The following CELF5 variants were observed in gnomAD, a reference collection of about 807,000 sequenced individuals.
CELF5 encodes the protein CUG-BP and ETR-3 like factor 5.
A neutral mutation model predicts 54.9 loss-of-function variants in CELF5; 6 were observed. The observed-to-expected ratio is 0.11, with a 90% CI of 0.06 to 0.22. The LOEUF (loss-of-function observed/expected upper bound fraction) is 0.22, where lower values mean the gene tolerates loss of function less well. Among genes scored for constraint, CELF5 ranks in the 10% least tolerant of loss-of-function variants. The pLI is 1.00. For synonymous variants in CELF5, 271 were observed against 290.9 expected (o/e 0.93, Z 0.70); for missense variants, 401 against 678.6 (o/e 0.59, Z 4.54).
intron 2 of CELF5, among the ~76,000 whole-genome samples, chr19:3,266,788 G>A (rs1390675139): frequency 6.6e-6 from 1 of 152,070 alleles, no homozygotes; most frequent in East Asian, 1.9e-4. Context: ...TGGGAGGCTG[G>A]TGAGGGGCGG....
chr19:3,273,477 A>G (rs1222925584), intron 2 of CELF5, among the ~76,000 whole-genome samples: 1 of 152,072 alleles, frequency 6.6e-6, no homozygotes, highest in Non-Finnish European at 1.5e-5. Context: ...CCCGCAACTT[A>G]ACTTCCACCA....
rs552515486 is a variant in CELF5 at position 3,296,957 on chromosome 19, G to A, written c.*240G>A. 7.9e-6 allele frequency: 1 copy of A among 126,258 alleles called. No individual in the cohort carries two copies. The highest frequency in any genetic ancestry group is 2.7e-4 in the East Asian group (1 of 3,754). 7.8% of individuals were successfully genotyped at this position (126,258 alleles called of 1,614,324 possible). A position where few individuals can be genotyped will look rare whatever the true frequency, so the allele number is the denominator to read the frequency against. ...GAAGAGGTTGGTGTTCCTGTTACGT[G>A]TTTCAGGTGAGAAGCAGCAAAGCGT... On this transcript the variant is annotated 3_prime_UTR_variant, in exon 13 of 13. Transcript: ENST00000292672.
At chr19:3,296,594 C>G (rs536583890) in intron 12 of CELF5, 164 bp from the exon 13 acceptor site, 2 of 152,166 alleles carry the variant, frequency 1.3e-5, no homozygotes, top group Admixed American at 6.6e-5. Flanking sequence ...CGTGTGCAAG[C>G]GTGTGCCATG....
Position 3,238,863 on chromosome 19 carries a change from G to A in CELF5, c.260-12122G>A, listed in dbSNP as rs530923569. 5.3e-5 allele frequency among the ~76,000 whole-genome samples: 8 copies of A among 152,264 alleles called. No individual in the cohort carries two copies. In the East Asian group the frequency reaches 7.7e-4, roughly 15 times the overall value. On this transcript the variant is annotated intron_variant, in intron 1 of 12. Transcript: ENST00000292672. The stretch of plus-strand genomic sequence containing the variant: ...AATTGCTTGAACACAGTAGGTGGAG[G>A]TTGCAGTGAGCCAAGATCACACCAT...
At chr19:3,273,659 G>T (rs1020315924) in intron 2 of CELF5, among the ~76,000 whole-genome samples, 1 of 152,200 alleles carries the variant, frequency 6.6e-6, no homozygotes, top group Non-Finnish European at 1.5e-5. Context: ...AAGGGATATT[G>T]TTGGGTTTTG....
chr19:3,258,341 C>T (rs895626806), intron 2 of CELF5, among the ~76,000 whole-genome samples: 1 of 151,388 alleles, frequency 6.6e-6, no homozygotes, highest in African/African-American at 2.4e-5. Context: ...AGGTTGGTCT[C>T]GAACTCCTGA....
At chr19:3,239,294 C>T (rs1004601119) in intron 1 of CELF5, among the ~76,000 whole-genome samples, 1 of 151,378 alleles carries the variant, frequency 6.6e-6, no homozygotes, top group Non-Finnish European at 1.5e-5. Flanking sequence ...GAGACAAAGT[C>T]TCACTACATT....
At chr19:3,235,378 G>T (rs1363983168) in intron 1 of CELF5, among the ~76,000 whole-genome samples, 1 of 150,516 alleles carries the variant, frequency 6.6e-6, no homozygotes, top group Non-Finnish European at 1.5e-5. Flanking sequence ...AATTTTATTT[G>T]CTTTTTCTCC....
At chr19:3,270,501 C>T (rs1427683513) in intron 2 of CELF5, 3 of 150,250 alleles carry the variant, frequency 2.0e-5, no homozygotes, top group Non-Finnish European at 4.5e-5. Flanking sequence ...CGCCTCCTCC[C>T]GGCTCGGGCG....
chr19:3,230,686 C>T (rs1384514174), intron 1 of CELF5, among the ~76,000 whole-genome samples: 1 of 152,218 alleles, frequency 6.6e-6, no homozygotes, highest in Non-Finnish European at 1.5e-5. Context: ...GGCTTCACAT[C>T]CTGTTAACTC....
intron 2 of CELF5, among the ~76,000 whole-genome samples, chr19:3,272,677 T>C (rs2079986449): frequency 6.6e-6 from 1 of 152,196 alleles, no homozygotes; most frequent in South Asian, 2.1e-4. Flanking sequence ...CGTGGTTCCC[T>C]GTCTGGAGAG....
At chr19:3,283,512 G>A (rs545135159) in intron 8 of CELF5, among the ~76,000 whole-genome samples, 3 of 152,072 alleles carry the variant, frequency 2.0e-5, no homozygotes, top group African/African-American at 7.2e-5. Flanking sequence ...CATCACGCCC[G>A]GCTAATTTTT....
At chr19:3,265,227 A>G (rs957161738) in intron 2 of CELF5, among the ~76,000 whole-genome samples, 1 of 152,068 alleles carries the variant, frequency 6.6e-6, no homozygotes, top group Admixed American at 6.6e-5. Flanking sequence ...CGTCCTAGCT[A>G]TTGAGGAGGC....
rs760675638 is a variant in CELF5, at chr19:3,284,957, G to C, written c.1095G>C (p.Gln365His). ...TLHPAFSGVQ[Q>H]YTAMYPTAAI... ...ATCCTGCCTTCTCCGGAGTCCAGCAGTACACAGGTAGGAGGCAGCCCGCGT... is the reference window on the plus strand; with the variant it reads ...ATCCTGCCTTCTCCGGAGTCCAGCACTACACAGGTAGGAGGCAGCCCGCGT... The change falls in exon 9 of 13, where the codon CAG (glutamine) becomes CAC (histidine). Residue 365 changes from glutamine to histidine, a missense_variant. By Grantham distance (24) the Gln-to-His change is conservative. This residue lies in a region of CELF5 where 143 missense variants were observed against 147.6 expected (regional missense o/e 0.97). Transcript: ENST00000292672. The C allele has an allele frequency of 6.2e-7, 1 of 1,611,484 alleles. No homozygotes were observed.
chr19:3,260,105 T>C (rs2079787198), intron 2 of CELF5, among the ~76,000 whole-genome samples: 1 of 152,286 alleles, frequency 6.6e-6, no homozygotes, highest in East Asian at 1.9e-4. Flanking sequence ...ATGCAGTCTA[T>C]GTATTTCTAT....
At position 3,272,142 on chromosome 19, in the gene CELF5, C is replaced by T. The variant is rs569460342; in HGVS notation, c.343-1730C>T. Among the ~76,000 whole-genome samples the T allele has an allele frequency of 6.5e-4, 99 of 152,144 alleles. 1 individual carries two copies. Among genetic ancestry groups the T allele is most frequent in the South Asian group, 4.6e-3 (22 of 4,826 alleles). On this transcript the variant is annotated intron_variant, in intron 2 of 12. Coordinates refer to ENST00000292672, the MANE Select transcript of CELF5 (RefSeq NM_021938.4). ...CAGCAATTTGGGAGGCTGAGGTGGG[C>T]GGATCACGAACTCAGCAGATCGAGA...
Position 3,275,820 on chromosome 19 carries a change from C to T in CELF5, c.395-36C>T. On this transcript the variant is annotated intron_variant, in intron 3 of 12. Coordinates refer to ENST00000292672, the MANE Select transcript of CELF5 (RefSeq NM_021938.4). The surrounding 1 kb of genome is among the most constrained non-coding windows in gnomAD (Gnocchi z 6.7). ...GAATCCCGGAGGCCCTCCCGGAGGC[C>T]GGGGACTCGGCTGAGGTGGGTGTCG... 1 of 1,583,770 alleles carries T rather than the reference C, an allele frequency of 6.3e-7. No individual in the cohort carries two copies. The highest frequency in any genetic ancestry group is 8.6e-7 in the Non-Finnish European group (1 of 1,159,112).
intron 1 of CELF5, among the ~76,000 whole-genome samples, chr19:3,248,915 TTTCTTTC>T (rs1210678152): frequency 7.4e-6 from 1 of 135,686 alleles, no homozygotes; most frequent in African/African-American, 2.8e-5. Context: ...CCTTTCTTTC[TTTCTTTC>T]TTTCTTTTCT....
intron 2 of CELF5, among the ~76,000 whole-genome samples, chr19:3,262,587 G>A (rs1288687652): frequency 6.6e-6 from 1 of 152,038 alleles, no homozygotes; most frequent in African/African-American, 2.4e-5. Flanking sequence ...CTAGACCCAG[G>A]GTCTGGATCA....
Sources: gnomAD v4.1 joint callset for allele counts (sites outside exome capture counted in the v4.1 genomes callset) on GRCh38, gnomAD v4.1.1 for gene constraint, gnomAD v4.1.1 regional missense constraint, Gnocchi (gnomAD v3.1) non-coding constraint, MANE v1.5 for transcripts, NCBI Gene and HGNC (gene_info 2026-07-23, HGNC 2026-07-21) for gene names.